The following SLC30A5 variants were observed in gnomAD, a reference collection of about 807,000 sequenced individuals.
SLC30A5 encodes the protein proton-coupled zinc antiporter SLC30A5.
In SLC30A5, 33 loss-of-function variants were observed where a neutral mutation model predicts 79.6. The ratio of observed to expected loss-of-function variants is 0.41; its 90% confidence interval spans 0.31 to 0.55. The LOEUF is 0.55. Among genes scored for constraint, SLC30A5 ranks in the 20% least tolerant of loss-of-function variants. The pLI is 0.20. For synonymous variants in SLC30A5, 299 were observed against 319.7 expected (o/e 0.94, Z 0.69); for missense variants, 788 against 928.1 (o/e 0.85, Z 1.96).
At chr5:69,095,782 G>A (rs370198252) in intron 1 of SLC30A5, among the ~76,000 whole-genome samples, 56 of 151,972 alleles carry the variant, frequency 3.7e-4, no homozygotes, top group Non-Finnish European at 1.5e-4. Flanking sequence ...ATATCAGGCC[G>A]GTCGCAGTGG....
chr5:69,100,372 G>A (rs1231708847), intron 1 of SLC30A5, among the ~76,000 whole-genome samples: 2 of 152,162 alleles, frequency 1.3e-5, no homozygotes, highest in African/African-American at 2.4e-5. Flanking sequence ...GAGTGGCTGA[G>A]ACTGCTACCA....
At chr5:69,128,679 TA>T (rs1307657862) in intron 15 of SLC30A5, among the ~76,000 whole-genome samples, 4 of 152,178 alleles carry the variant, frequency 2.6e-5, no homozygotes, top group East Asian at 1.9e-4. Flanking sequence ...TTAATTAATA[TA>T]AAAAAATTCA....
chr5:69,094,486 TCCGGGCTCC>T (rs1388886444), intron 1 of SLC30A5, 148 bp downstream of exon 1: 1 of 882,740 alleles, frequency 1.1e-6, no homozygotes, highest in African/African-American at 1.7e-5. Flanking sequence ...GCAGGCTGCC[TCCGGGCTCC>T]CCGGGCTCTT....
At chr5:69,117,951 G>A (rs1162188953) in intron 11 of SLC30A5, among the ~76,000 whole-genome samples, 8 of 150,466 alleles carry the variant, frequency 5.3e-5, no homozygotes, top group Admixed American at 1.3e-4. Context: ...CGAGGCGGGC[G>A]GATCACAGGG....
intron 12 of SLC30A5, 29 bp from the exon 13 acceptor site, chr5:69,121,665 T>G (rs1197967660): frequency 1.3e-6 from 2 of 1,495,288 alleles, no homozygotes; most frequent in African/African-American, 2.8e-5. Flanking sequence ...AATTACTAAT[T>G]TAAAGGTTTT....
intron 3 of SLC30A5, chr5:69,103,858 A>C: frequency 1.1e-6 from 1 of 895,872 alleles, no homozygotes; most frequent in Non-Finnish European, 1.7e-6. Flanking sequence ...TAATTTTTTT[A>C]TTAGAAAGAC....
intron 1 of SLC30A5, among the ~76,000 whole-genome samples, 191 bp from the exon 2 acceptor site, chr5:69,100,612 TAAAA>T (rs33982147): frequency 1.1e-3 from 149 of 134,440 alleles, no homozygotes; most frequent in Middle Eastern, 3.8e-3. Context: ...CTCTATGAGT[TAAAA>T]AAAAAAAAAA....
At position 69,117,405 on chromosome 5, in the gene SLC30A5, A is replaced by C. The variant is rs778523119; in HGVS notation, c.1439+9A>C. 5.0e-6 allele frequency: 8 copies of C among 1,613,092 alleles called. No homozygotes were observed. In the Admixed American group the frequency reaches 1.0e-4, roughly 20 times the overall value. On this transcript the variant is annotated intron_variant, in intron 11 of 15. Coordinates refer to ENST00000396591, the MANE Select transcript of SLC30A5 (RefSeq NM_022902.5). Reference sequence around the variant, plus strand: ...CGGATTTTCTCCTATGGGTAGGTACATTGACTGTCGAGGTGGTATATCTTA... The same window carrying C: ...CGGATTTTCTCCTATGGGTAGGTACCTTGACTGTCGAGGTGGTATATCTTA...
In SLC30A5 at chr5:69,129,693, A is replaced by AT; in HGVS notation, c.*77dup. 1 of 1,353,874 alleles carries AT rather than the reference A, an allele frequency of 7.4e-7. No individual in the cohort carries two copies. The allele number at this position is 1,353,874 out of a possible 1,614,324, so 83.9% of individuals were successfully genotyped here. ...CAGTATTTGTAATATTGCCAGAAGG[A>AT]TAAAAATTACACATTAACTGTACAG... On this transcript the variant is annotated 3_prime_UTR_variant, in exon 16 of 16. Transcript: ENST00000396591.
At chr5:69,109,363 A>C (rs1464922669) in intron 5 of SLC30A5, among the ~76,000 whole-genome samples, 1 of 152,178 alleles carries the variant, frequency 6.6e-6, no homozygotes, top group Non-Finnish European at 1.5e-5. Context: ...ATTAAAAAAA[A>C]AAACAGGAAA....
intron 11 of SLC30A5, among the ~76,000 whole-genome samples, chr5:69,118,191 A>G (rs1201551691): frequency 4.0e-5 from 6 of 150,046 alleles, no homozygotes; most frequent in Non-Finnish European, 7.4e-5. Flanking sequence ...AAAAAAAAAA[A>G]AGAGAGTAAA....
At chr5:69,118,323 A>ATATATG (rs1561296054) in intron 11 of SLC30A5, 176 bp from the exon 12 acceptor site, 1 of 221,944 alleles carries the variant, frequency 4.5e-6, no homozygotes, top group African/African-American at 2.4e-5. Context: ...ATATATATAT[A>ATATATG]TGTATATATA....
chr5:69,117,365 A>C lies in SLC30A5; in HGVS notation c.1408A>C (p.Arg470=). Residue 470 remains arginine, a synonymous_variant, in exon 11 of 16, where the codon AGG becomes CGG. Transcript: ENST00000396591. ...VMGLFAALMS[R]WKATRIFSYG... ...GGGACTTTTTGCTGCCCTGATGAGT[A>C]GGTGGAAAGCCACTCGGATTTTCTC... 6.2e-7 allele frequency: 1 copy of C among 1,614,052 alleles called. No homozygotes were observed. The highest frequency in any genetic ancestry group is 8.5e-7 in the Non-Finnish European group (1 of 1,179,980).
At chr5:69,111,298 T>TCTTAATTATGAGACTGAAGCA (rs1398712422) in intron 5 of SLC30A5, among the ~76,000 whole-genome samples, 1 of 149,532 alleles carries the variant, frequency 6.7e-6, no homozygotes, top group Admixed American at 6.7e-5. Flanking sequence ...GGACTTTTTT[T>TCTTAATTATGAGACTGAAGCA]TTCTTTTTCT....
intron 12 of SLC30A5, among the ~76,000 whole-genome samples, 182 bp from the exon 13 acceptor site, chr5:69,121,512 T>C (rs1746532160): frequency 6.6e-6 from 1 of 152,174 alleles, no homozygotes; most frequent in Non-Finnish European, 1.5e-5. Flanking sequence ...AAAATGTTTC[T>C]TCTAAAATGT....
At chr5:69,119,546 C>T (rs893809521) in intron 12 of SLC30A5, among the ~76,000 whole-genome samples, 1 of 152,076 alleles carries the variant, frequency 6.6e-6, no homozygotes, top group Non-Finnish European at 1.5e-5. Context: ...CCTGGCTTGT[C>T]GTAGGAAATC....
intron 5 of SLC30A5, 34 bp downstream of exon 5, chr5:69,108,470 G>T (rs755969916): frequency 7.1e-7 from 1 of 1,404,946 alleles, no homozygotes; most frequent in South Asian, 1.2e-5. Flanking sequence ...CTTGGAAATG[G>T]AAAGTATGTA....
At chr5:69,103,774 A>G (rs967224460) in intron 3 of SLC30A5, among the ~76,000 whole-genome samples, 2 of 152,224 alleles carry the variant, frequency 1.3e-5, no homozygotes, top group African/African-American at 4.8e-5. Flanking sequence ...ATCATCTCAC[A>G]TCGTCACTTC....
At position 69,100,849 on chromosome 5, in the gene SLC30A5, G is replaced by T; in HGVS notation, c.126G>T (p.Leu42Phe). 1 of 1,605,648 alleles carries T rather than the reference G, an allele frequency of 6.2e-7. No individual in the cohort carries two copies. The highest frequency in any genetic ancestry group is 8.5e-7 in the Non-Finnish European group (1 of 1,173,952). ...YIVLLCFTKF[L>F]KAVGLFESYD... ...TGTTACTATGTTTCACTAAATTTTT[G>T]AAGGCTGTGGGACTTTTCGAATCAT... The change falls in exon 2 of 16, where the codon TTG (leucine) becomes TTT (phenylalanine). Residue 42 changes from leucine (L) to phenylalanine (F), a missense_variant. Leu to Phe is a conservative substitution (Grantham distance 22). Around this residue, in one of 3 missense-constraint regions of SLC30A5, gnomAD observed 626 missense variants for 755.5 expected, o/e 0.83. Coordinates refer to ENST00000396591, the MANE Select transcript of SLC30A5 (RefSeq NM_022902.5).
Sources: gnomAD v4.1 joint callset for allele counts (sites outside exome capture counted in the v4.1 genomes callset) on GRCh38, gnomAD v4.1.1 for gene constraint, gnomAD v4.1.1 regional missense constraint, MANE v1.5 for transcripts, NCBI Gene and HGNC (gene_info 2026-07-23, HGNC 2026-07-21) for gene names.